RIMS4: variants seen among roughly 807,000 people sequenced by gnomAD.
RIMS4 encodes the protein regulating synaptic membrane exocytosis 4.
A neutral mutation model predicts 29.0 loss-of-function variants in RIMS4; 9 were observed. That is an observed-to-expected ratio of 0.31 (90% CI 0.19 to 0.54). RIMS4 has a LOEUF of 0.54. Ranked by LOEUF, RIMS4 falls within the 20% of genes least tolerant of loss-of-function variation. The pLI, the probability that RIMS4 is intolerant of heterozygous loss-of-function variation, is 0.94. For synonymous variants in RIMS4, 130 were observed against 152.9 expected (o/e 0.85, Z 1.10); for missense variants, 193 against 365.7 (o/e 0.53, Z 3.85).
chr20:44,780,850 G>A (rs1244265482), intron 1 of RIMS4, among the ~76,000 whole-genome samples: 1 of 152,194 alleles, frequency 6.6e-6, no homozygotes, highest in African/African-American at 2.4e-5. Flanking sequence ...CAGAGATGAA[G>A]TGAGTGAAAG....
At chr20:44,757,200 A>G (rs897661924) in intron 4 of RIMS4, among the ~76,000 whole-genome samples, 163 bp from the exon 5 acceptor site, 2 of 151,990 alleles carry the variant, frequency 1.3e-5, no homozygotes, top group African/African-American at 2.4e-5. Context: ...ATTTGGGGGC[A>G]GCAGGTACAG....
rs140911315 is a variant in RIMS4, at chr20:44,810,180, T to G, written c.92A>C (p.Asp31Ala). 19 of 1,585,164 alleles carry G rather than the reference T, an allele frequency of 1.2e-5. No individual in the cohort carries two copies. The highest frequency in any genetic ancestry group is 1.5e-5 in the Non-Finnish European group (17 of 1,163,632). The change falls in exon 1 of 6, where the codon GAC becomes GCC. Residue 31 changes from aspartate to alanine, a missense_variant. By Grantham distance (126) the Asp-to-Ala change is moderately radical. Coordinates refer to ENST00000372851, the MANE Select transcript of RIMS4 (RefSeq NM_182970.4). ...GGGGCGGGCCGCGCGCTTACCTGCG[T>G]CCTCGTCGTCGAAGGAGTTCATGCA... Reference protein sequence around the residue: ...FPCMNSFDDEDAGDSRRLKGA... With the variant: ...FPCMNSFDDEAAGDSRRLKGA...
At position 44,768,253 on chromosome 20, in the gene RIMS4, A is replaced by G. The variant is rs6103856; in HGVS notation, c.236+3022T>C. ...CAAGGTATCTGAGGTGCCTGACCCA[A>G]CTGCCTGGCACATTCTAAGTGCTCA... On this transcript the variant is annotated intron_variant, in intron 2 of 5. Transcript: ENST00000372851. 2.4e-3 allele frequency among the ~76,000 whole-genome samples: 366 copies of G among 152,274 alleles called. 3 individuals carry two copies. The highest frequency in any genetic ancestry group is 8.4e-3 in the African/African-American group (350 of 41,554).
chr20:44,779,006 C>T (rs1321860162), intron 1 of RIMS4, among the ~76,000 whole-genome samples: 1 of 152,188 alleles, frequency 6.6e-6, no homozygotes, highest in African/African-American at 2.4e-5. Flanking sequence ...GATTAAAACC[C>T]TTCAATGGCA....
chr20:44,809,398 G>A (rs531841115), intron 1 of RIMS4, among the ~76,000 whole-genome samples: 15 of 152,240 alleles, frequency 9.9e-5, no homozygotes, highest in African/African-American at 3.6e-4. Context: ...TCTGGCTGAG[G>A]TTGTGCGCAG....
At chr20:44,789,321 G>A (rs988374483) in intron 1 of RIMS4, among the ~76,000 whole-genome samples, 4 of 152,064 alleles carry the variant, frequency 2.6e-5, no homozygotes, top group South Asian at 4.2e-4. Flanking sequence ...TTTTTGAGAC[G>A]GAGTCTCTCT....
intron 2 of RIMS4, among the ~76,000 whole-genome samples, chr20:44,764,349 AT>A (rs2066104877): frequency 6.6e-6 from 1 of 152,230 alleles, no homozygotes; most frequent in Non-Finnish European, 1.5e-5. Context: ...AAATCTTGCT[AT>A]AAAAATCACA....
At chr20:44,793,223 C>T (rs555317081) in intron 1 of RIMS4, among the ~76,000 whole-genome samples, 1 of 152,202 alleles carries the variant, frequency 6.6e-6, no homozygotes, top group African/African-American at 2.4e-5. Context: ...TTGTGCGGCC[C>T]AGGGCAGGAG....
intron 2 of RIMS4, among the ~76,000 whole-genome samples, chr20:44,763,443 T>C (rs1165120784): frequency 6.6e-6 from 1 of 152,226 alleles, no homozygotes; most frequent in Non-Finnish European, 1.5e-5. Flanking sequence ...CTTGCCACAT[T>C]CTTGGCATTT....
chr20:44,776,841 GC>G (rs1189268973), intron 1 of RIMS4, among the ~76,000 whole-genome samples: 1 of 152,116 alleles, frequency 6.6e-6, no homozygotes, highest in Non-Finnish European at 1.5e-5. Flanking sequence ...GATAGCTACT[GC>G]CCCCCTTTAC....
chr20:44,810,239 G>A lies in RIMS4; in HGVS notation c.33C>T (p.Ser11=). The change falls in exon 1 of 6, where the codon TCC becomes TCT. Residue 11 remains serine (S), a synonymous_variant. Coordinates refer to ENST00000372851, the MANE Select transcript of RIMS4 (RefSeq NM_182970.4). The part of the protein sequence containing the change: MERSQSRLSL[S]ASFEALAIYF... ...AGATGGCGAGCGCCTCGAAGGAGGC[G>A]GACAGACTGAGGCGGCTCTGCGAGC... The A allele has an allele frequency of 1.3e-6, 2 of 1,556,626 alleles. No individual in the cohort carries two copies. Among genetic ancestry groups the A allele is most frequent in the Non-Finnish European group, 1.7e-6 (2 of 1,146,146 alleles).
intron 1 of RIMS4, 77 bp from the exon 2 acceptor site, chr20:44,771,490 T>A: frequency 6.6e-7 from 1 of 1,506,564 alleles, no homozygotes; most frequent in Non-Finnish European, 9.0e-7. Flanking sequence ...GTCATCTGGT[T>A]AGCAGTGTTT....
chr20:44,809,297 A>G (rs895575094), intron 1 of RIMS4, among the ~76,000 whole-genome samples: 1 of 151,858 alleles, frequency 6.6e-6, no homozygotes, highest in Non-Finnish European at 1.5e-5. Flanking sequence ...TCCCTTCCTC[A>G]CCCCAGAACC....
chr20:44,779,717 A>G (rs1315107578), intron 1 of RIMS4, among the ~76,000 whole-genome samples: 1 of 152,200 alleles, frequency 6.6e-6, no homozygotes, highest in Non-Finnish European at 1.5e-5. Context: ...ACATTCTTGT[A>G]TGTGTCTTTT....
At chr20:44,781,252 C>T (rs1027725265) in intron 1 of RIMS4, among the ~76,000 whole-genome samples, 1 of 152,190 alleles carries the variant, frequency 6.6e-6, no homozygotes, top group Non-Finnish European at 1.5e-5. Flanking sequence ...CTTGCTGAAA[C>T]TCCCAGTCTA....
intron 1 of RIMS4, among the ~76,000 whole-genome samples, chr20:44,807,092 A>C (rs1029417167): frequency 3.9e-5 from 6 of 152,170 alleles, no homozygotes; most frequent in Middle Eastern, 3.4e-3. Context: ...CACACACACA[A>C]AAAAACGCCT....
At chr20:44,771,187 T>C in intron 2 of RIMS4, 88 bp downstream of exon 2, 3 of 1,481,824 alleles carry the variant, frequency 2.0e-6, no homozygotes, top group Non-Finnish European at 2.7e-6. Flanking sequence ...GGAGCTGCCC[T>C]AGGGCTCCCA....
chr20:44,765,441 T>C (rs746234082), intron 2 of RIMS4, among the ~76,000 whole-genome samples: 19 of 152,182 alleles, frequency 1.2e-4, no homozygotes, highest in Non-Finnish European at 2.4e-4. Flanking sequence ...GTTGTGAGTA[T>C]TAAATGAGAT....
At chr20:44,768,579 A>G (rs1345714011) in intron 2 of RIMS4, among the ~76,000 whole-genome samples, 3 of 152,010 alleles carry the variant, frequency 2.0e-5, no homozygotes, top group East Asian at 3.9e-4. Flanking sequence ...CTGTGTCCCT[A>G]CCTCGCCCAG....
Sources: allele counts gnomAD v4.1 joint callset (sites outside exome capture counted in the v4.1 genomes callset), GRCh38; gene constraint gnomAD v4.1.1; transcripts MANE v1.5; gene names NCBI Gene and HGNC (gene_info 2026-07-23, HGNC 2026-07-21).